ZMYND11: variants seen among roughly 807,000 people sequenced by gnomAD.
ZMYND11 encodes zinc finger MYND-type containing 11.
Under a neutral mutation model 84.9 loss-of-function variants are expected in ZMYND11, and 9 were observed. That is an observed-to-expected ratio of 0.11 (90% confidence interval 0.06 to 0.18). The LOEUF is 0.18. Among genes scored for constraint, ZMYND11 ranks in the 10% least tolerant of loss-of-function variants. The probability of loss-of-function intolerance (pLI) is 1.00; values close to 1 mark genes in which losing one functional copy is unlikely to be tolerated. For missense variants in ZMYND11, 409 were observed against 761.0 expected, an observed-to-expected ratio of 0.54 and a Z score of 5.44; for synonymous variants, 250 against 244.1, an observed-to-expected ratio of 1.02 and a Z score of -0.23.
intron 1 of ZMYND11, among the ~76,000 whole-genome samples, chr10:168,512 A>C (rs547540930): frequency 6.6e-6 from 1 of 152,242 alleles, no homozygotes; most frequent in East Asian, 1.9e-4. Flanking sequence ...AAAATCCTTC[A>C]GTGAATCATA....
intron 2 of ZMYND11, among the ~76,000 whole-genome samples, chr10:183,224 GTTT>G (rs1214194132): frequency 7.6e-6 from 1 of 130,744 alleles, no homozygotes; most frequent in Non-Finnish European, 1.7e-5. Context: ...TTTGTTGTTG[GTTT>G]TTTTTTTTTT....
At chr10:163,048 A>G (rs1347746596) in intron 1 of ZMYND11, among the ~76,000 whole-genome samples, 2 of 152,218 alleles carry the variant, frequency 1.3e-5, no homozygotes, top group East Asian at 3.8e-4. Context: ...TAGCTTCCTG[A>G]GAAAAGGTGC....
chr10:218,945 T>C (rs942490159), intron 3 of ZMYND11, among the ~76,000 whole-genome samples: 6 of 152,232 alleles, frequency 3.9e-5, no homozygotes, highest in African/African-American at 1.4e-4. Context: ...TGAACTTGAC[T>C]TTTGCATGTT....
chr10:146,007 T>C (rs2131232040), intron 1 of ZMYND11, among the ~76,000 whole-genome samples: 1 of 152,244 alleles, frequency 6.6e-6, no homozygotes, highest in South Asian at 2.1e-4. Flanking sequence ...ATTTTTATGG[T>C]TTTTGGTTTT....
chr10:233,452 G>C (rs575598838), intron 4 of ZMYND11, among the ~76,000 whole-genome samples: 1 of 152,234 alleles, frequency 6.6e-6, no homozygotes. Context: ...AGTAGATGTT[G>C]ATGTTTCTTA....
intron 10 of ZMYND11, among the ~76,000 whole-genome samples, chr10:245,597 A>G (rs1375714417): frequency 6.6e-6 from 1 of 152,214 alleles, no homozygotes; most frequent in Non-Finnish European, 1.5e-5. Flanking sequence ...TCATGCATCC[A>G]TACAGTTTCC....
chr10:150,693 C>T (rs970626063), intron 1 of ZMYND11, among the ~76,000 whole-genome samples: 11 of 152,214 alleles, frequency 7.2e-5, no homozygotes, highest in Admixed American at 2.6e-4. Context: ...ACAGAAACGT[C>T]TGCACACTTA....
intron 12 of ZMYND11, 145 bp from the exon 13 acceptor site, chr10:248,191 T>C (rs958604277): frequency 2.0e-6 from 2 of 985,752 alleles, no homozygotes; most frequent in Non-Finnish European, 2.9e-6. Flanking sequence ...ATACGTGACA[T>C]CTACCACCCT....
rs1430937208 is a variant in ZMYND11 at position 135,881 on chromosome 10, G to C, written c.-20+322G>C. Among the ~76,000 whole-genome samples the C allele has an allele frequency of 1.4e-4, 21 of 151,292 alleles. No individual in the cohort carries two copies. The highest frequency in any genetic ancestry group is 2.7e-4 in the Non-Finnish European group (18 of 67,746). On this transcript the variant is annotated intron_variant, in intron 1 of 14. Transcript: ENST00000381604. This position sits in a 1 kb window ranked among gnomAD's most constrained non-coding sequence, Gnocchi z 5.6. The stretch of plus-strand genomic sequence containing the variant: ...GGACCGCGCGGGGCCTGCTCGGGCC[G>C]GGAAGCCGCGGAGTCGCGTGAGCAC...
At chr10:202,409 T>C (rs1257979162) in intron 2 of ZMYND11, among the ~76,000 whole-genome samples, 1 of 152,194 alleles carries the variant, frequency 6.6e-6, no homozygotes, top group Non-Finnish European at 1.5e-5. Context: ...GACATTACTT[T>C]ATGAGCTTGT....
chr10:227,112 C>T (rs2131523778), intron 4 of ZMYND11, among the ~76,000 whole-genome samples: 1 of 152,272 alleles, frequency 6.6e-6, no homozygotes, highest in East Asian at 1.9e-4. Context: ...AAAGAAGAAT[C>T]TATGTGGAAG....
intron 1 of ZMYND11, among the ~76,000 whole-genome samples, chr10:152,478 T>C (rs976065622): frequency 6.6e-6 from 1 of 152,042 alleles, no homozygotes; most frequent in Non-Finnish European, 1.5e-5. Flanking sequence ...CCATTACATA[T>C]TGGTAAAGGG....
chr10:226,176 C>T (rs1564414778), intron 4 of ZMYND11, among the ~76,000 whole-genome samples: 1 of 152,164 alleles, frequency 6.6e-6, no homozygotes, highest in Non-Finnish European at 1.5e-5. Context: ...AGAGTTACGA[C>T]TTGGAGAGTT....
intron 4 of ZMYND11, among the ~76,000 whole-genome samples, chr10:235,893 T>C (rs1949875546): frequency 6.6e-6 from 1 of 152,260 alleles, no homozygotes. Context: ...GTACGTATAA[T>C]CAATTCACTT....
chr10:155,926 A>G (rs1841605120), intron 1 of ZMYND11, among the ~76,000 whole-genome samples: 1 of 152,206 alleles, frequency 6.6e-6, no homozygotes, highest in Non-Finnish European at 1.5e-5. Context: ...TGAGAAACCT[A>G]TATACAGTTA....
chr10:147,379 G>A (rs1839146475), intron 1 of ZMYND11, among the ~76,000 whole-genome samples: 1 of 151,926 alleles, frequency 6.6e-6, no homozygotes, highest in Non-Finnish European at 1.5e-5. Context: ...GTTGGCTCTG[G>A]GTTTGTCATA....
chr10:137,231 G>C (rs2131057072), intron 1 of ZMYND11, among the ~76,000 whole-genome samples: 1 of 151,994 alleles, frequency 6.6e-6, no homozygotes, highest in Middle Eastern at 3.4e-3. Flanking sequence ...TAGTACCCTG[G>C]GTCATATACA....
chr10:237,445 C>T (rs1359315240), intron 5 of ZMYND11, 140 bp from the exon 6 acceptor site: 2 of 491,676 alleles, frequency 4.1e-6, no homozygotes, highest in Non-Finnish European at 6.9e-6. Context: ...GAGTTCAAGA[C>T]CAGCCTGGGC....
intron 5 of ZMYND11, 64 bp downstream of exon 5, chr10:236,979 T>G (rs1950099774): frequency 6.8e-7 from 1 of 1,472,840 alleles, no homozygotes; most frequent in Non-Finnish European, 9.4e-7. Flanking sequence ...GTTCATTCTT[T>G]CAAAGTTGAA....
Sources: gnomAD v4.1 joint callset for allele counts (sites outside exome capture counted in the v4.1 genomes callset) on GRCh38, gnomAD v4.1.1 for gene constraint, Gnocchi (gnomAD v3.1) non-coding constraint, MANE v1.5 for transcripts, NCBI Gene and HGNC (gene_info 2026-07-23, HGNC 2026-07-21) for gene names.